NPAS3: variants seen among roughly 807,000 people sequenced by gnomAD.
The protein encoded by NPAS3 is neuronal PAS domain-containing protein 3.
NPAS3 carries 14 observed loss-of-function variants against 73.1 expected under a neutral mutation model. That is an observed-to-expected ratio of 0.19 (90% CI 0.13 to 0.30). The LOEUF (loss-of-function observed/expected upper bound fraction) is 0.30, where lower values mean the gene tolerates loss of function less well. Ranked by LOEUF, NPAS3 falls within the 10% of genes least tolerant of loss-of-function variation. The pLI is 1.00. For synonymous variants in NPAS3, 620 were observed against 541.5 expected (o/e 1.14, Z -2.01); for missense variants, 1,096 against 1,250.0 (o/e 0.88, Z 1.86).
chr14:33,602,461 A>G (rs2057428069), intron 5 of NPAS3, among the ~76,000 whole-genome samples: 1 of 152,094 alleles, frequency 6.6e-6, no homozygotes, highest in Non-Finnish European at 1.5e-5. Flanking sequence ...GCCAAGGAAA[A>G]CACAGCACAT....
chr14:33,195,850 T>C (rs1215618833), intron 2 of NPAS3, among the ~76,000 whole-genome samples: 2 of 152,198 alleles, frequency 1.3e-5, no homozygotes, highest in Admixed American at 1.3e-4. Context: ...AATATTTACT[T>C]ATTGAAGGCT....
chr14:33,629,714 C>A (rs1486343859), intron 5 of NPAS3, among the ~76,000 whole-genome samples: 2 of 151,730 alleles, frequency 1.3e-5, no homozygotes, highest in African/African-American at 4.8e-5. Flanking sequence ...GACACACTGT[C>A]TTCTGTCGAG....
intron 2 of NPAS3, among the ~76,000 whole-genome samples, chr14:33,112,139 T>C (rs2138971794): frequency 6.6e-6 from 1 of 152,272 alleles, no homozygotes; most frequent in East Asian, 1.9e-4. Context: ...TACGTGTGCA[T>C]GTGTCTTTAT....
At chr14:33,277,435 C>A (rs141621466) in intron 3 of NPAS3, among the ~76,000 whole-genome samples, 39 of 152,228 alleles carry the variant, frequency 2.6e-4, no homozygotes, top group African/African-American at 7.0e-4. Flanking sequence ...ATGAACCAAA[C>A]AAAACTCTGC....
chr14:33,455,471 T>G (rs2049984625), intron 4 of NPAS3, among the ~76,000 whole-genome samples: 1 of 152,252 alleles, frequency 6.6e-6, no homozygotes, highest in Admixed American at 6.5e-5. Context: ...ATATCATTCC[T>G]AGAAGTTCAG....
intron 5 of NPAS3, among the ~76,000 whole-genome samples, chr14:33,643,396 AAAC>A (rs1239133367): frequency 2.2e-3 from 320 of 147,396 alleles, no homozygotes; most frequent in Non-Finnish European, 3.8e-3. Context: ...AAAAAAAAAA[AAAC>A]GAGAGAGATG....
intron 6 of NPAS3, among the ~76,000 whole-genome samples, chr14:33,728,742 A>G (rs573069904): frequency 6.6e-6 from 1 of 152,306 alleles, no homozygotes; most frequent in East Asian, 1.9e-4. Flanking sequence ...GACAGAGAAC[A>G]AAGTATTCTC....
Position 33,585,394 on chromosome 14 carries a change from T to G in NPAS3, c.558+25184T>G, listed in dbSNP as rs2056827014. ...TGCTATAGACCAGCAGTCGAGAATC[T>G]GGGTCCCATATCCTGCCTTGACCAT... On this transcript the variant is annotated intron_variant, in intron 5 of 11. Transcript: ENST00000356141. Among the ~76,000 whole-genome samples the G allele has an allele frequency of 2.6e-5, 4 of 152,336 alleles. 2 individuals are homozygous for G. The South Asian group carries it at 8.3e-4, about 32-fold the overall frequency.
intron 4 of NPAS3, among the ~76,000 whole-genome samples, chr14:33,433,026 C>T (rs1024272605): frequency 1.3e-5 from 2 of 152,094 alleles, no homozygotes; most frequent in Admixed American, 6.6e-5. Flanking sequence ...TTTTACCATA[C>T]GTTCAAATGC....
rs1011027995 is a variant in NPAS3 at position 33,156,158 on chromosome 14, A to G, written c.141-59024A>G. ...AAAAAACAACACAATTATAGATTTC[A>G]TGGTAGTTATAGTAAGTAATATAGT... On this transcript the variant is annotated intron_variant, in intron 2 of 11. Transcript: ENST00000356141. Among the ~76,000 whole-genome samples the G allele has an allele frequency of 3.3e-4, 50 of 152,228 alleles. 1 individual carries two copies. The highest frequency in any genetic ancestry group is 1.2e-3 in the African/African-American group (50 of 41,468).
intron 1 of NPAS3, among the ~76,000 whole-genome samples, chr14:32,959,004 A>C (rs2036796331): frequency 6.6e-6 from 1 of 152,174 alleles, no homozygotes; most frequent in Non-Finnish European, 1.5e-5. Flanking sequence ...CACTAATAAT[A>C]ACGATAGCTG....
chr14:33,391,272 C>A (rs1183262829), intron 4 of NPAS3, among the ~76,000 whole-genome samples: 1 of 148,120 alleles, frequency 6.8e-6, no homozygotes, highest in African/African-American at 2.5e-5. Flanking sequence ...CGGCTTACCA[C>A]AACCTCTGCC....
intron 10 of NPAS3, among the ~76,000 whole-genome samples, chr14:33,795,899 G>T (rs1173078810): frequency 2.6e-5 from 4 of 152,072 alleles, no homozygotes; most frequent in Admixed American, 6.5e-5. Context: ...AACCTCAAAA[G>T]CTTCAATCTC....
At chr14:33,643,154 A>G (rs528222027) in intron 5 of NPAS3, among the ~76,000 whole-genome samples, 1 of 152,216 alleles carries the variant, frequency 6.6e-6, no homozygotes, top group African/African-American at 2.4e-5. Flanking sequence ...GTTTTGATTT[A>G]GTGGTCACAT....
At chr14:33,205,130 T>C (rs1175048945) in intron 2 of NPAS3, among the ~76,000 whole-genome samples, 1 of 152,170 alleles carries the variant, frequency 6.6e-6, no homozygotes, top group Non-Finnish European at 1.5e-5. Flanking sequence ...AATATTTTGA[T>C]TTGTAGCAGT....
intron 4 of NPAS3, among the ~76,000 whole-genome samples, chr14:33,538,122 C>T (rs979949263): frequency 1.3e-5 from 2 of 152,098 alleles, no homozygotes; most frequent in African/African-American, 2.4e-5. Flanking sequence ...CAAAAAGAAA[C>T]TCTTATTGTT....
chr14:33,456,779 C>T (rs1381401085), intron 4 of NPAS3, among the ~76,000 whole-genome samples: 2 of 152,126 alleles, frequency 1.3e-5, no homozygotes, highest in Admixed American at 6.5e-5. Context: ...GCAGCTCAGG[C>T]TTACCTGTGG....
chr14:33,632,691 C>T (rs535658586), intron 5 of NPAS3, among the ~76,000 whole-genome samples: 4 of 152,280 alleles, frequency 2.6e-5, no homozygotes, highest in Admixed American at 6.5e-5. Context: ...CAGCTCTCTA[C>T]GCTCCTCCAT....
At chr14:33,283,642 A>G (rs932887998) in intron 3 of NPAS3, among the ~76,000 whole-genome samples, 4 of 152,230 alleles carry the variant, frequency 2.6e-5, no homozygotes, top group Non-Finnish European at 4.4e-5. Context: ...GGAAAGCCTC[A>G]TACTAGACTG....
Sources: gnomAD v4.1 joint callset for allele counts (sites outside exome capture counted in the v4.1 genomes callset) on GRCh38, gnomAD v4.1.1 for gene constraint, MANE v1.5 for transcripts, NCBI Gene and HGNC (gene_info 2026-07-23, HGNC 2026-07-21) for gene names.